Variants in SLC26A5 observed in about 807,000 individuals in gnomAD.
The protein encoded by SLC26A5 is prestin.
Under a neutral mutation model 81.0 loss-of-function variants are expected in SLC26A5, and 51 were observed. The observed-to-expected ratio is 0.63, with a 90% CI of 0.50 to 0.80. The LOEUF (loss-of-function observed/expected upper bound fraction) is 0.80, where lower values mean the gene tolerates loss of function less well. SLC26A5 is among the 30% of genes least tolerant of loss of function. SLC26A5 has a pLI of 0.00. For synonymous variants in SLC26A5, 325 were observed against 332.8 expected, an observed-to-expected ratio of 0.98 and a Z score of 0.25; for missense variants, 771 against 905.8, an observed-to-expected ratio of 0.85 and a Z score of 1.91.
intron 2 of SLC26A5, among the ~76,000 whole-genome samples, chr7:103,431,659 C>G (rs111245936): frequency 8.5e-5 from 13 of 152,110 alleles, no homozygotes; most frequent in African/African-American, 3.1e-4. Flanking sequence ...AATATTAATT[C>G]TTCTGGTGAG....
intron 19 of SLC26A5, among the ~76,000 whole-genome samples, chr7:103,359,263 T>G (rs747634336): frequency 2.7e-5 from 4 of 149,200 alleles, no homozygotes; most frequent in Non-Finnish European, 5.9e-5. Context: ...CTCCCAAAGT[T>G]CTGGGATTAC....
At chr7:103,355,679 T>C in intron 19 of SLC26A5, 1 of 1,596,744 alleles carries the variant, frequency 6.3e-7, no homozygotes, top group Non-Finnish European at 8.6e-7. Context: ...AATTTTGTCA[T>C]CTTTCTCTAT....
At chr7:103,361,509 T>G (rs1586162411) in intron 19 of SLC26A5, among the ~76,000 whole-genome samples, 1 of 33,320 alleles carries the variant, frequency 3.0e-5, no homozygotes, top group Non-Finnish European at 4.8e-5. Context: ...AAACTCCATC[T>G]CAAAAAAAAA....
At chr7:103,421,225 G>C in intron 3 of SLC26A5, 138 bp downstream of exon 3, 1 of 951,582 alleles carries the variant, frequency 1.1e-6, no homozygotes, top group East Asian at 2.6e-5. Context: ...TGAACCTCGT[G>C]AACAGCTTTG....
chr7:103,444,112 G>T (rs139222995), intron 1 of SLC26A5, among the ~76,000 whole-genome samples: 1,713 of 152,204 alleles, frequency 0.011, 18 homozygotes, highest in Non-Finnish European at 0.017. Flanking sequence ...TCAAAAGAAG[G>T]ATTAAAAGAG....
intron 19 of SLC26A5, 138 bp from the exon 20 acceptor site, chr7:103,374,730 C>CAAAA: frequency 1.3e-6 from 1 of 798,584 alleles, no homozygotes; most frequent in Non-Finnish European, 1.9e-6. Context: ...GACAGAGTCT[C>CAAAA]ACTCTGTCAC....
At chr7:103,388,849 T>C (rs1822414394) in intron 14 of SLC26A5, 159 bp downstream of exon 14, 2 of 645,962 alleles carry the variant, frequency 3.1e-6, no homozygotes, top group East Asian at 3.0e-5. Context: ...ATTTTGTTCA[T>C]CTAGTCAACA....
intron 19 of SLC26A5, 25 bp from the exon 20 acceptor site, chr7:103,374,617 A>T (rs1394695718): frequency 1.2e-6 from 2 of 1,609,936 alleles, no homozygotes; most frequent in Non-Finnish European, 1.7e-6. Context: ...AAAGAAAATT[A>T]GTCCACACTC....
chr7:103,360,514 C>T (rs1001710658), intron 19 of SLC26A5, among the ~76,000 whole-genome samples: 1 of 152,302 alleles, frequency 6.6e-6, no homozygotes, highest in Admixed American at 6.5e-5. Flanking sequence ...CAGCCTCAGC[C>T]TCCTCAGTAG....
At position 103,355,060 on chromosome 7, in the gene SLC26A5, T is replaced by G. The variant is rs933331165; in HGVS notation, c.2042-2134A>C. ...ATGATTACAGATTTAAAAAAAATCA[T>G]TATTCTTCCTTTCTGTTAAGAAATT... is the stretch of plus-strand genomic sequence containing the variant. On this transcript the variant is annotated intron_variant, in intron 19 of 19. Transcript: ENST00000339444. The G allele has an allele frequency of 3.8e-5, 28 of 735,496 alleles. No homozygotes were observed. In the African/African-American group the frequency reaches 4.4e-4, roughly 12 times the overall value. 45.6% of individuals were successfully genotyped at this position (735,496 alleles called of 1,614,324 possible).
At chr7:103,412,063 G>C (rs1824528290) in intron 5 of SLC26A5, among the ~76,000 whole-genome samples, 1 of 152,222 alleles carries the variant, frequency 6.6e-6, no homozygotes, top group African/African-American at 2.4e-5. Context: ...AGGCAGGGAA[G>C]AGGGAAGGGA....
intron 19 of SLC26A5, among the ~76,000 whole-genome samples, chr7:103,376,000 G>A (rs190398038): frequency 0.02 from 3,029 of 150,004 alleles, 100 homozygotes; most frequent in African/African-American, 0.07. Flanking sequence ...CAGGTGATCC[G>A]CCTGCCTCAG....
At chr7:103,359,913 T>A (rs893723665) in intron 19 of SLC26A5, among the ~76,000 whole-genome samples, 2 of 151,990 alleles carry the variant, frequency 1.3e-5, no homozygotes, top group African/African-American at 4.8e-5. Context: ...AACCTGTCTC[T>A]ACTAAAAATA....
rs1257421243 is a variant in SLC26A5 at position 103,367,620 on chromosome 7, G to A, written c.2041+9188C>T. On this transcript the variant is annotated intron_variant, in intron 19 of 19. Transcript: ENST00000339444. This position sits in a 1 kb window ranked among gnomAD's most constrained non-coding sequence, Gnocchi z 6.1. ...TTTAGCTTGCCCGATCTAGAGGTAA[G>A]AAAACCATTTCATTTTAGGAAAGGG... 6.2e-6 allele frequency: 10 copies of A among 1,613,072 alleles called. No homozygotes were observed. The highest frequency in any genetic ancestry group is 4.0e-5 in the African/African-American group (3 of 74,858).
At chr7:103,435,793 T>C (rs1167415282) in intron 2 of SLC26A5, among the ~76,000 whole-genome samples, 1 of 152,220 alleles carries the variant, frequency 6.6e-6, no homozygotes, top group Non-Finnish European at 1.5e-5. Context: ...TTCTGTTTAA[T>C]CAGTAATTTG....
chr7:103,422,843 G>T (rs1387908978), intron 2 of SLC26A5, among the ~76,000 whole-genome samples: 1 of 152,140 alleles, frequency 6.6e-6, no homozygotes, highest in East Asian at 1.9e-4. Flanking sequence ...GCAGGCAGAG[G>T]TTAACATGAA....
Position 103,374,727 on chromosome 7 carries a change from T to C in SLC26A5, c.2042-135A>G, listed in dbSNP as rs561239596. On this transcript the variant is annotated intron_variant, in intron 19 of 19. Transcript: ENST00000306312. Reference sequence around the variant, plus strand: ...TTTCTTTTTTTTTTTTGAGACAGAGTCTCACTCTGTCACCCAGGCTGGAGA... The same window carrying C: ...TTTCTTTTTTTTTTTTGAGACAGAGCCTCACTCTGTCACCCAGGCTGGAGA... The C allele has an allele frequency of 1.4e-5, 12 of 827,632 alleles. No individual in the cohort carries two copies. In the South Asian group the frequency reaches 1.6e-4, roughly 11 times the overall value. 51.3% of individuals were successfully genotyped at this position (827,632 alleles called of 1,614,324 possible).
chr7:103,369,140 T>C (rs1042543831), intron 19 of SLC26A5: 9 of 152,226 alleles, frequency 5.9e-5, no homozygotes, highest in African/African-American at 2.2e-4. Flanking sequence ...TGCACTGAAA[T>C]ACTTAAAATT....
chr7:103,427,866 CT>C (rs1825810587), intron 2 of SLC26A5, among the ~76,000 whole-genome samples: 2 of 90,860 alleles, frequency 2.2e-5, no homozygotes, highest in South Asian at 8.3e-4. Flanking sequence ...TTTTTTTTTT[CT>C]TTTGAGATGG....
Sources: allele counts gnomAD v4.1 joint callset (sites outside exome capture counted in the v4.1 genomes callset), GRCh38; gene constraint gnomAD v4.1.1; non-coding constraint Gnocchi (gnomAD v3.1); transcripts MANE v1.5; gene names NCBI Gene and HGNC (gene_info 2026-07-23, HGNC 2026-07-21).